SLC44A5: variants seen among roughly 807,000 people sequenced by gnomAD.
SLC44A5 encodes solute carrier family 44 member 5.
Under a neutral mutation model 101.8 loss-of-function variants are expected in SLC44A5, and 57 were observed. That is an observed-to-expected ratio of 0.56 (90% confidence interval 0.45 to 0.70). The LOEUF (loss-of-function observed/expected upper bound fraction) is 0.70, where lower values mean the gene tolerates loss of function less well. Ranked by LOEUF, SLC44A5 falls within the 30% of genes least tolerant of loss-of-function variation. SLC44A5 has a pLI of 0.00. For missense variants in SLC44A5, 737 were observed against 853.1 expected (o/e 0.86, Z 1.70); for synonymous variants, 281 against 290.9 (o/e 0.97, Z 0.35).
chr1:75,464,763 C>T (rs878972884), intron 2 of SLC44A5, among the ~76,000 whole-genome samples: 1 of 152,026 alleles, frequency 6.6e-6, no homozygotes, highest in Non-Finnish European at 1.5e-5. Flanking sequence ...GATTTCAAGA[C>T]AAAAACTATA....
intron 3 of SLC44A5, among the ~76,000 whole-genome samples, chr1:75,356,393 C>T (rs1659077277): frequency 6.6e-6 from 1 of 151,432 alleles, no homozygotes; most frequent in Non-Finnish European, 1.5e-5. Flanking sequence ...ATGTTTGTGT[C>T]TCTGTTTTTA....
chr1:75,576,401 A>G (rs969443433), intron 1 of SLC44A5, among the ~76,000 whole-genome samples: 36 of 150,988 alleles, frequency 2.4e-4, no homozygotes, highest in African/African-American at 7.6e-4. Context: ...TGCAAGCTCC[A>G]CCTCCCGGGT....
intron 2 of SLC44A5, among the ~76,000 whole-genome samples, chr1:75,494,836 G>T (rs1420663225): frequency 6.6e-6 from 1 of 152,160 alleles, no homozygotes; most frequent in African/African-American, 2.4e-5. Context: ...GCTTCTCCAT[G>T]AAGAGAAAAG....
intron 1 of SLC44A5, among the ~76,000 whole-genome samples, chr1:75,551,332 C>A (rs1671924979): frequency 6.6e-6 from 1 of 152,068 alleles, no homozygotes; most frequent in African/African-American, 2.4e-5. Context: ...CAAGTATATT[C>A]CTATGGTGGA....
intron 2 of SLC44A5, among the ~76,000 whole-genome samples, chr1:75,419,614 T>A (rs1663880362): frequency 6.6e-6 from 1 of 152,056 alleles, no homozygotes; most frequent in Non-Finnish European, 1.5e-5. Flanking sequence ...TTAAAATAAG[T>A]TCTCTGTCAG....
chr1:75,711,193 G>T, the SLC44A5 span, among the ~76,000 whole-genome samples: 3 of 151,918 alleles, frequency 2.0e-5, no homozygotes, highest in African/African-American at 7.2e-5. Flanking sequence ...AGACTGCATA[G>T]GCCTTGACCC....
chr1:75,549,015 C>T (rs1671796714), intron 1 of SLC44A5, among the ~76,000 whole-genome samples: 1 of 152,130 alleles, frequency 6.6e-6, no homozygotes, highest in South Asian at 2.1e-4. Flanking sequence ...GCTATAATCT[C>T]AGCCAGGTTT....
chr1:75,503,887 T>C (rs1669101071), intron 2 of SLC44A5, among the ~76,000 whole-genome samples: 2 of 152,202 alleles, frequency 1.3e-5, no homozygotes, highest in Admixed American at 1.3e-4. Context: ...CCTGCCACTA[T>C]ATGTGTAGGC....
At chr1:75,435,416 C>T (rs1471336179) in intron 2 of SLC44A5, among the ~76,000 whole-genome samples, 1 of 152,068 alleles carries the variant, frequency 6.6e-6, no homozygotes, top group Non-Finnish European at 1.5e-5. Flanking sequence ...CACTCTTGGC[C>T]CTTGGGGGGA....
chr1:75,478,010 G>A (rs188961852), intron 2 of SLC44A5, among the ~76,000 whole-genome samples: 4,030 of 152,030 alleles, frequency 0.027, 170 homozygotes, highest in African/African-American at 0.092. Context: ...GAGAAAGGTC[G>A]GGTTACCCAC....
At chr1:75,480,155 A>G (rs903865070) in intron 2 of SLC44A5, among the ~76,000 whole-genome samples, 5 of 152,244 alleles carry the variant, frequency 3.3e-5, no homozygotes, top group African/African-American at 1.2e-4. Context: ...CAAAAACCAC[A>G]TGATTATCTC....
At chr1:75,299,789 T>C (rs1654277477) in intron 5 of SLC44A5, among the ~76,000 whole-genome samples, 1 of 151,372 alleles carries the variant, frequency 6.6e-6, no homozygotes, top group South Asian at 2.1e-4. Flanking sequence ...GGGGGGCAGA[T>C]CATGAGGTCA....
chr1:75,632,062 T>C, the SLC44A5 span, among the ~76,000 whole-genome samples: 2 of 152,140 alleles, frequency 1.3e-5, no homozygotes, highest in African/African-American at 2.4e-5. Context: ...AGCCAACTTT[T>C]CCCTTCCTGT....
Position 75,214,104 on chromosome 1 carries a change from A to G in SLC44A5, c.1803-115T>C, listed in dbSNP as rs893225703. The G allele has an allele frequency of 5.8e-6, 4 of 687,004 alleles. No homozygotes were observed. In the Admixed American group the frequency reaches 1.1e-4, roughly 19 times the overall value. The allele number at this position is 687,004 out of a possible 1,614,324, so 42.6% of individuals were successfully genotyped here. A position where few individuals can be genotyped will look rare whatever the true frequency, so the allele number is the denominator to read the frequency against. ...TTTGGTGTGTCTTTGCTGAAATTGT[A>G]TTTGGCAATTGTTTTGCAAGAAATG... On this transcript the variant is annotated intron_variant, in intron 20 of 23. Coordinates refer to ENST00000370859, the MANE Select transcript of SLC44A5 (RefSeq NM_001130058.2).
intron 4 of SLC44A5, among the ~76,000 whole-genome samples, chr1:75,330,779 G>T (rs1300182263): frequency 6.6e-6 from 1 of 151,794 alleles, no homozygotes; most frequent in East Asian, 1.9e-4. Context: ...ACTCTTCTTA[G>T]TCACACTTTA....
chr1:75,490,319 T>C (rs1421311089), intron 2 of SLC44A5, among the ~76,000 whole-genome samples: 1 of 152,170 alleles, frequency 6.6e-6, no homozygotes, highest in Non-Finnish European at 1.5e-5. Context: ...AATGGATTCG[T>C]TCATTTAAAA....
intron 1 of SLC44A5, among the ~76,000 whole-genome samples, chr1:75,548,388 T>G (rs1255658779): frequency 3.3e-5 from 5 of 152,160 alleles, no homozygotes; most frequent in Non-Finnish European, 5.9e-5. Context: ...TTTATGAAAT[T>G]TAATGATCTT....
intron 2 of SLC44A5, among the ~76,000 whole-genome samples, chr1:75,437,818 C>G (rs1664974552): frequency 6.6e-6 from 1 of 152,116 alleles, no homozygotes; most frequent in Non-Finnish European, 1.5e-5. Context: ...TCTCTGACCC[C>G]TTTATTTCTG....
At chr1:75,614,386 T>G (rs150111284), upstream of SLC44A5, among the ~76,000 whole-genome samples, 1 of 152,236 alleles carries the variant, frequency 6.6e-6, no homozygotes, top group Non-Finnish European at 1.5e-5. Flanking sequence ...TTGTCATACA[T>G]AGGTTATAAT....
Sources: gnomAD v4.1 joint callset for allele counts (sites outside exome capture counted in the v4.1 genomes callset) on GRCh38, gnomAD v4.1.1 for gene constraint, MANE v1.5 for transcripts, NCBI Gene and HGNC (gene_info 2026-07-23, HGNC 2026-07-21) for gene names.